Variants in TNKS observed in about 807,000 individuals in gnomAD.
The protein encoded by TNKS is poly [ADP-ribose] polymerase tankyrase-1.
A neutral mutation model predicts 135.8 loss-of-function variants in TNKS; 72 were observed. That is an observed-to-expected ratio of 0.53 (90% CI 0.44 to 0.64). The LOEUF (loss-of-function observed/expected upper bound fraction) is 0.64, where lower values mean the gene tolerates loss of function less well. TNKS is among the 30% of genes least tolerant of loss of function. The pLI, the probability that TNKS is intolerant of heterozygous loss-of-function variation, is 0.00. For synonymous variants in TNKS, 849 were observed against 649.3 expected, an observed-to-expected ratio of 1.31 and a Z score of -4.68; for missense variants, 1,769 against 1,674.0, an observed-to-expected ratio of 1.06 and a Z score of -0.99.
rs549910994 is a variant in TNKS, at chr8:9,582,856, G to A, written c.898+2473G>A. ...TTCCCATTTCCTCTGTTTGTCCTTT[G>A]TTGACATTTCTTAAAAATGTCCATT... On this transcript the variant is annotated intron_variant, in intron 2 of 26. Coordinates refer to ENST00000310430, the MANE Select transcript of TNKS (RefSeq NM_003747.3). Among the ~76,000 whole-genome samples, 136 of 152,114 alleles carry A rather than the reference G, an allele frequency of 8.9e-4. 1 individual carries two copies. Among genetic ancestry groups the A allele is most frequent in the African/African-American group, 3.2e-3 (132 of 41,476 alleles).
At chr8:9,562,938 T>C (rs994280120) in intron 1 of TNKS, among the ~76,000 whole-genome samples, 5 of 152,104 alleles carry the variant, frequency 3.3e-5, no homozygotes, top group African/African-American at 1.2e-4. Flanking sequence ...GTATGTGGTA[T>C]GGCTTTTCTT....
At chr8:9,628,029 C>A (rs1800131497) in intron 3 of TNKS, among the ~76,000 whole-genome samples, 1 of 152,184 alleles carries the variant, frequency 6.6e-6, no homozygotes, top group African/African-American at 2.4e-5. Flanking sequence ...CACCTCTCGT[C>A]TACTTTTTGC....
chr8:9,666,884 G>T (rs1457895267), intron 3 of TNKS, among the ~76,000 whole-genome samples: 3 of 152,132 alleles, frequency 2.0e-5, no homozygotes, highest in Non-Finnish European at 4.4e-5. Context: ...GTAAAATTAT[G>T]TTTGGAGTGA....
rs760716455 is a variant in TNKS, at chr8:9,556,109, C to T, written c.170C>T (p.Ala57Val). Residue 57 changes from alanine (A) to valine (V), a missense_variant, in exon 1 of 27, where the codon GCC (alanine) becomes GTC (valine). By Grantham distance (64) the Ala-to-Val change is moderately conservative. This residue lies in a region of TNKS where 450 missense variants were observed against 304.9 expected (regional missense o/e 1.48). Coordinates refer to ENST00000310430, the MANE Select transcript of TNKS (RefSeq NM_003747.3). ...SPTASGLAPFASPRHGLALPE... is the reference protein window; with the variant it reads ...SPTASGLAPFVSPRHGLALPE... ...ACGGCCAGCGGCCTGGCCCCCTTCG[C>T]CTCCCCGCGGCACGGCCTAGCGCTG... 14 of 1,600,864 alleles carry T rather than the reference C, an allele frequency of 8.7e-6. No individual in the cohort carries two copies. The South Asian group carries it at 1.5e-4, about 17-fold the overall frequency.
chr8:9,621,991 A>T (rs1799884568), intron 3 of TNKS, among the ~76,000 whole-genome samples: 1 of 152,208 alleles, frequency 6.6e-6, no homozygotes, highest in Non-Finnish European at 1.5e-5. Flanking sequence ...CATTTTAAAT[A>T]TATGTTAAAA....
In TNKS at chr8:9,751,714, G is replaced by A; in HGVS notation, c.2938G>A (p.Ala980Thr). Residue 980 changes from alanine to threonine, a missense_variant, in exon 19 of 27, where the codon GCA becomes ACA. Around this residue, in one of 5 missense-constraint regions of TNKS, gnomAD observed 722 missense variants for 688.9 expected, o/e 1.05. Coordinates refer to ENST00000310430, the MANE Select transcript of TNKS (RefSeq NM_003747.3). The part of the protein sequence containing the change: ...TVVSASLISP[A>T]STPSCLSAAS... ...AGTGAGTGCCTCTCTGATCTCACCA[G>A]CATCCACCCCCTCCTGCCTCTCGGC... The A allele has an allele frequency of 1.9e-6, 3 of 1,614,168 alleles. No homozygotes were observed. Among genetic ancestry groups the A allele is most frequent in the Non-Finnish European group, 2.5e-6 (3 of 1,180,036 alleles).
intron 3 of TNKS, among the ~76,000 whole-genome samples, chr8:9,656,428 C>T (rs529174017): frequency 6.6e-6 from 1 of 152,146 alleles, no homozygotes; most frequent in East Asian, 1.9e-4. Context: ...AACTCCAAGA[C>T]ACCTAATTGT....
At chr8:9,772,355 TATTATCTCTCTAGGTGG>T (rs1807956638) in intron 26 of TNKS, 2 of 455,106 alleles carry the variant, frequency 4.4e-6, no homozygotes, top group Non-Finnish European at 8.8e-6. Context: ...GATAGGCTTA[TATTATCTCTCTAGGTGG>T]ATACTCTAAA....
chr8:9,755,196 G>A (rs1262325358), intron 20 of TNKS, among the ~76,000 whole-genome samples: 1 of 152,114 alleles, frequency 6.6e-6, no homozygotes, highest in Admixed American at 6.5e-5. Flanking sequence ...GTCAGTAACT[G>A]ACTTCCTGTG....
chr8:9,640,196 T>C (rs1395895023), intron 3 of TNKS, among the ~76,000 whole-genome samples: 1 of 152,192 alleles, frequency 6.6e-6, no homozygotes, highest in African/African-American at 2.4e-5. Flanking sequence ...AAAAGAATTT[T>C]TATTTCTCAC....
At chr8:9,615,011 G>C (rs1262432294) in intron 2 of TNKS, among the ~76,000 whole-genome samples, 1 of 152,168 alleles carries the variant, frequency 6.6e-6, no homozygotes, top group Non-Finnish European at 1.5e-5. Flanking sequence ...ATAAGAGGCA[G>C]TTCCTTTTTG....
intron 2 of TNKS, among the ~76,000 whole-genome samples, chr8:9,613,518 A>G (rs1304081298): frequency 6.6e-6 from 1 of 152,226 alleles, no homozygotes; most frequent in Admixed American, 6.5e-5. Flanking sequence ...TGAATGAAAT[A>G]TGGTTAAATA....
At chr8:9,565,581 C>G (rs1300965061) in intron 1 of TNKS, among the ~76,000 whole-genome samples, 4 of 152,140 alleles carry the variant, frequency 2.6e-5, no homozygotes, top group African/African-American at 9.7e-5. Context: ...ACTAAACCAG[C>G]CAGGCGTGGT....
intron 2 of TNKS, among the ~76,000 whole-genome samples, chr8:9,598,727 G>GTGTGTGTGTGTGTGTC (rs1232805577): frequency 3.2e-5 from 4 of 124,260 alleles, no homozygotes; most frequent in African/African-American, 1.2e-4. Flanking sequence ...GTGTGTGTGT[G>GTGTGTGTGTGTGTGTC]TGTGTGTCTG....
intron 5 of TNKS, among the ~76,000 whole-genome samples, chr8:9,689,450 A>T (rs1262904002): frequency 6.6e-6 from 1 of 152,192 alleles, no homozygotes; most frequent in Non-Finnish European, 1.5e-5. Context: ...GTAAATTTGG[A>T]AACAGACCAA....
At chr8:9,763,331 C>T (rs1185510783) in intron 22 of TNKS, 87 bp downstream of exon 22, 1 of 840,470 alleles carries the variant, frequency 1.2e-6, no homozygotes, top group Non-Finnish European at 1.8e-6. Context: ...TCTTACATTG[C>T]CTTGCGGTCA....
chr8:9,581,509 TATAAC>T (rs747638157), intron 2 of TNKS, among the ~76,000 whole-genome samples: 3 of 152,196 alleles, frequency 2.0e-5, no homozygotes, highest in Non-Finnish European at 4.4e-5. Flanking sequence ...AGCTTCAACT[TATAAC>T]ATCCTCTCTC....
chr8:9,736,464 G>C lies in TNKS; in HGVS notation c.2643+978G>C, dbSNP rs558700566. Among the ~76,000 whole-genome samples, 5 of 152,084 alleles carry C rather than the reference G, an allele frequency of 3.3e-5. No homozygotes were observed. In the East Asian group the frequency reaches 9.6e-4, roughly 29 times the overall value. ...GGTGAAAGTCCAGAGTTTTGGACAT[G>C]AAGTCCTTGCCCACGCCTATGTCCT... On this transcript the variant is annotated intron_variant, in intron 17 of 26. Coordinates refer to ENST00000310430, the MANE Select transcript of TNKS (RefSeq NM_003747.3).
At chr8:9,656,365 A>G (rs955383177) in intron 3 of TNKS, among the ~76,000 whole-genome samples, 1 of 152,176 alleles carries the variant, frequency 6.6e-6, no homozygotes, top group African/African-American at 2.4e-5. Flanking sequence ...GCAGGCCAAC[A>G]TTCAAATTCA....
Sources: allele counts gnomAD v4.1 joint callset (sites outside exome capture counted in the v4.1 genomes callset), GRCh38; gene constraint gnomAD v4.1.1; regional missense constraint gnomAD v4.1.1; transcripts MANE v1.5; gene names NCBI Gene and HGNC (gene_info 2026-07-23, HGNC 2026-07-21).